The following HADHB variants were observed in gnomAD, a reference collection of about 807,000 sequenced individuals.
HADHB encodes hydroxyacyl-CoA dehydrogenase trifunctional multienzyme complex subunit beta, also known as trifunctional enzyme subunit beta, mitochondrial.
HADHB carries 50 observed loss-of-function variants against 61.9 expected under a neutral mutation model. The observed-to-expected ratio is 0.81, with a 90% confidence interval of 0.64 to 1.02. HADHB has a LOEUF of 1.02. Ranked by LOEUF, HADHB falls within the 50% of genes least tolerant of loss-of-function variation. HADHB has a pLI of 0.00. For missense variants in HADHB, 504 were observed against 586.5 expected, an observed-to-expected ratio of 0.86 and a Z score of 1.45; for synonymous variants, 191 against 201.6, an observed-to-expected ratio of 0.95 and a Z score of 0.45.
chr2:26,261,123 A>G lies in HADHB; in HGVS notation c.110-2257A>G, dbSNP rs1398443199. The G allele has an allele frequency of 4.6e-5, 39 of 855,258 alleles. 2 individuals are homozygous for G. In the South Asian group the frequency reaches 5.0e-4, roughly 11 times the overall value. 53.0% of individuals were successfully genotyped at this position (855,258 alleles called of 1,614,324 possible). A position where few individuals can be genotyped will look rare whatever the true frequency, so the allele number is the denominator to read the frequency against. ...TTTATATTGACTTAGGGATGTGTCT[A>G]TGGCTTCCCCTTTGGCAGGGACTGT... On this transcript the variant is annotated intron_variant, in intron 3 of 15. Coordinates refer to ENST00000317799, the MANE Select transcript of HADHB (RefSeq NM_000183.3).
chr2:26,277,331 G>T (rs1166100338), intron 7 of HADHB, among the ~76,000 whole-genome samples, 171 bp downstream of exon 7: 2 of 147,460 alleles, frequency 1.4e-5, no homozygotes, highest in Non-Finnish European at 3.0e-5. Context: ...TCAAACTCTT[G>T]AGCTCAAGAG....
rs1382491603 is a variant in HADHB at position 26,249,254 on chromosome 2, C to T, written c.-9+4264C>T. On this transcript the variant is annotated intron_variant, in intron 1 of 15. Transcript: ENST00000317799. ...GGCTTCTTAAAGGGGATTTATTAGT[C>T]CGGGCGTGGTGGCTCACGCCTGTAA... 2.6e-5 allele frequency among the ~76,000 whole-genome samples: 4 copies of T among 151,788 alleles called. No individual in the cohort carries two copies. In the South Asian group the frequency reaches 8.3e-4, roughly 32 times the overall value.
rs372192901 is a variant in HADHB, at chr2:26,263,345, A to G, written c.110-35A>G. Reference sequence around the variant, plus strand: ...AAGTCATCAGACTTTATATATTTTAATTAGTAGTTTTTGTTTTTAAACTTT... The same window carrying G: ...AAGTCATCAGACTTTATATATTTTAGTTAGTAGTTTTTGTTTTTAAACTTT... On this transcript the variant is annotated intron_variant, in intron 3 of 15. Coordinates refer to ENST00000317799, the MANE Select transcript of HADHB (RefSeq NM_000183.3). The G allele has an allele frequency of 8.2e-5, 97 of 1,180,340 alleles. No individual in the cohort carries two copies. Among genetic ancestry groups the G allele is most frequent in the Non-Finnish European group, 1.2e-4 (94 of 787,346 alleles). 73.1% of individuals were successfully genotyped at this position (1,180,340 alleles called of 1,614,324 possible). A position where few individuals can be genotyped will look rare whatever the true frequency, so the allele number is the denominator to read the frequency against.
Position 26,278,564 on chromosome 2 carries a change from A to C in HADHB, c.443-50A>C, listed in dbSNP as rs752021591. 5 of 1,416,494 alleles carry C rather than the reference A, an allele frequency of 3.5e-6. 1 individual carries two copies. Among genetic ancestry groups the C allele is most frequent in the Non-Finnish European group, 5.0e-6 (5 of 999,684 alleles). The allele number at this position is 1,416,494 out of a possible 1,614,324, so 87.7% of individuals were successfully genotyped here. ...ATCAAGAAGCTTAAATTGGAATGGT[A>C]TGTTATTTTCTGTAAAAGATATTCA... is the stretch of plus-strand genomic sequence containing the variant. On this transcript the variant is annotated intron_variant, in intron 7 of 15. Coordinates refer to ENST00000317799, the MANE Select transcript of HADHB (RefSeq NM_000183.3).
intron 15 of HADHB, among the ~76,000 whole-genome samples, chr2:26,286,812 TG>T (rs544667976): frequency 0.011 from 1,502 of 136,936 alleles, 40 homozygotes; most frequent in African/African-American, 0.042. Flanking sequence ...GGCCTGTTTT[TG>T]TTTTTTTTTT....
At chr2:26,283,392 C>T (rs548260749) in intron 12 of HADHB, among the ~76,000 whole-genome samples, 41 of 152,054 alleles carry the variant, frequency 2.7e-4, no homozygotes, top group African/African-American at 9.6e-4. Flanking sequence ...GGCGTGGTGG[C>T]GGGCGCCTGT....
chr2:26,289,307 C>T lies in HADHB; in HGVS notation c.1390-611C>T, dbSNP rs117372912. On this transcript the variant is annotated intron_variant, in intron 15 of 15. Transcript: ENST00000317799. ...ATATTCTACTTCTTCCCTTTGTGGT[C>T]CCTCAGATCATTATCTTAACCTGTG... 1.7e-4 allele frequency among the ~76,000 whole-genome samples: 26 copies of T among 152,140 alleles called. No homozygotes were observed. The East Asian group carries it at 5.0e-3, about 29-fold the overall frequency.
intron 7 of HADHB, among the ~76,000 whole-genome samples, chr2:26,278,268 C>T (rs1672630788): frequency 6.6e-6 from 1 of 152,242 alleles, no homozygotes; most frequent in South Asian, 2.1e-4. Context: ...AGTTAACATT[C>T]TCTTTATAGG....
chr2:26,259,607 A>T (rs764183601), intron 3 of HADHB, among the ~76,000 whole-genome samples: 4 of 152,196 alleles, frequency 2.6e-5, no homozygotes, highest in Non-Finnish European at 5.9e-5. Context: ...GAAGGCCTGC[A>T]TCTTTCCCTA....
intron 4 of HADHB, among the ~76,000 whole-genome samples, chr2:26,265,194 A>C (rs1672025828): frequency 6.6e-6 from 1 of 152,212 alleles, no homozygotes. Context: ...GCAGCAATAA[A>C]ATAGAAAAAG....
intron 1 of HADHB, among the ~76,000 whole-genome samples, chr2:26,248,411 C>T (rs1453399118): frequency 1.3e-5 from 2 of 151,250 alleles, no homozygotes; most frequent in African/African-American, 2.4e-5. Flanking sequence ...GACGGAGTCT[C>T]GTTCTGTCTC....
intron 15 of HADHB, 22 bp downstream of exon 15, chr2:26,285,593 G>A (rs763202989): frequency 3.1e-6 from 5 of 1,594,892 alleles, no homozygotes; most frequent in South Asian, 1.1e-5. Context: ...TGGTGTCATA[G>A]GACCCTCCAG....
rs746167092 is a variant in HADHB at position 26,279,132 on chromosome 2, C to T, written c.631-3C>T. 4 of 1,612,350 alleles carry T rather than the reference C, an allele frequency of 2.5e-6. No homozygotes were observed. Among genetic ancestry groups the T allele is most frequent in the Non-Finnish European group, 3.4e-6 (4 of 1,178,404 alleles). On this transcript the variant is annotated splice_region_variant and splice_polypyrimidine_tract_variant and intron_variant, in intron 8 of 15. Transcript: ENST00000317799. The stretch of plus-strand genomic sequence containing the variant: ...CCTGCTCCTTGGATATCTCCTTTCC[C>T]AGCTCCCTGCGGTTTCTGAGTTCTC...
At chr2:26,248,105 A>T (rs985892178) in intron 1 of HADHB, among the ~76,000 whole-genome samples, 1 of 152,082 alleles carries the variant, frequency 6.6e-6, no homozygotes, top group African/African-American at 2.4e-5. Context: ...TTACTTACCC[A>T]TTTCCCTATT....
At position 26,289,878 on chromosome 2, in the gene HADHB, C is replaced by T. The variant is rs781676975; in HGVS notation, c.1390-40C>T. ...CTGTCCCTGTACTAGGTGGATTCATCACCATTCATTGCTCTAATTGGACTT... is the reference window on the plus strand; with the variant it reads ...CTGTCCCTGTACTAGGTGGATTCATTACCATTCATTGCTCTAATTGGACTT... On this transcript the variant is annotated intron_variant, in intron 15 of 15. Coordinates refer to ENST00000317799, the MANE Select transcript of HADHB (RefSeq NM_000183.3). 3.2e-5 allele frequency: 46 copies of T among 1,443,396 alleles called. No homozygotes were observed. The East Asian group carries it at 1.0e-3, about 32-fold the overall frequency. 89.4% of individuals were successfully genotyped at this position (1,443,396 alleles called of 1,614,324 possible).
At chr2:26,285,279 A>C (rs1672978663) in intron 14 of HADHB, 128 bp from the exon 15 acceptor site, 1 of 783,586 alleles carries the variant, frequency 1.3e-6, no homozygotes, top group African/African-American at 1.7e-5. Flanking sequence ...TTTTGCAGTA[A>C]AATTATTTGT....
intron 3 of HADHB, chr2:26,261,220 C>A (rs570108328): frequency 2.5e-5 from 12 of 474,636 alleles, no homozygotes; most frequent in African/African-American, 1.4e-4. Context: ...ATACCCCCCC[C>A]CCATCCAGAC....
chr2:26,263,539 C>A, intron 4 of HADHB, 60 bp downstream of exon 4: 3 of 1,046,936 alleles, frequency 2.9e-6, no homozygotes, highest in Admixed American at 3.4e-5. Flanking sequence ...CAAAAGTAGT[C>A]TTTGTAAATG....
intron 4 of HADHB, among the ~76,000 whole-genome samples, chr2:26,268,966 G>A (rs1428280913): frequency 4.6e-5 from 7 of 152,034 alleles, no homozygotes; most frequent in Admixed American, 3.9e-4. Context: ...GGCCAACATG[G>A]TGAAATCCCA....
Sources: gnomAD v4.1 joint callset for allele counts (sites outside exome capture counted in the v4.1 genomes callset) on GRCh38, gnomAD v4.1.1 for gene constraint, MANE v1.5 for transcripts, NCBI Gene and HGNC (gene_info 2026-07-23, HGNC 2026-07-21) for gene names.